Variants in ADAMTS14 observed in about 807,000 individuals in gnomAD.
ADAMTS14 encodes A disintegrin and metalloproteinase with thrombospondin motifs 14.
In ADAMTS14, 100 loss-of-function variants were observed where a neutral mutation model predicts 128.6. The observed-to-expected ratio is 0.78, with a 90% CI of 0.66 to 0.92. The LOEUF is 0.92. Ranked by LOEUF, ADAMTS14 falls within the 40% of genes least tolerant of loss-of-function variation. ADAMTS14 has a pLI of 0.00. For synonymous variants in ADAMTS14, 665 were observed against 653.8 expected, an observed-to-expected ratio of 1.02 and a Z score of -0.26; for missense variants, 1,562 against 1,658.6, an observed-to-expected ratio of 0.94 and a Z score of 1.01.
chr10:70,693,140 T>G (rs1840237940), intron 2 of ADAMTS14, among the ~76,000 whole-genome samples: 10 of 152,190 alleles, frequency 6.6e-5, no homozygotes, highest in Admixed American at 6.5e-4. Context: ...TTGTGTGAAC[T>G]GAGTGAGAAC....
In ADAMTS14 at chr10:70,708,825, G is replaced by GGCCCCAC; in HGVS notation, c.870+48_870+54dup. ...GACTTGGGGGGAGTGGGGTGGGGTG[G>GGCCCCAC]GCCCCACCCCACCCCACTGGGCCCC... is the stretch of plus-strand genomic sequence containing the variant. On this transcript the variant is annotated intron_variant, in intron 4 of 21. Transcript: ENST00000373207. The GGCCCCAC allele has an allele frequency of 5.9e-6, 5 of 846,738 alleles. 1 individual carries two copies. Among genetic ancestry groups the GGCCCCAC allele is most frequent in the Non-Finnish European group, 8.2e-6 (5 of 608,344 alleles). The allele number at this position is 846,738 out of a possible 1,614,324, so 52.5% of individuals were successfully genotyped here. A position where few individuals can be genotyped will look rare whatever the true frequency, so the allele number is the denominator to read the frequency against.
Position 70,744,208 on chromosome 10 carries a change from G to C in ADAMTS14, c.2182+19G>C. The C allele has an allele frequency of 6.6e-7, 1 of 1,504,544 alleles. No homozygotes were observed. Among genetic ancestry groups the C allele is most frequent in the Non-Finnish European group, 8.9e-7 (1 of 1,119,786 alleles). 93.2% of individuals were successfully genotyped at this position (1,504,544 alleles called of 1,614,324 possible). On this transcript the variant is annotated intron_variant, in intron 14 of 21. Transcript: ENST00000373207. ...CAGGCAGGTGAGCCGGGCTGGGGCT[G>C]GGGGGATGACGAGGGCTGACTGGAG...
chr10:70,716,787 GA>G (rs984030921), intron 4 of ADAMTS14, among the ~76,000 whole-genome samples: 2 of 152,170 alleles, frequency 1.3e-5, no homozygotes, highest in Non-Finnish European at 2.9e-5. Flanking sequence ...ACCCAGGGAG[GA>G]GGGGGCAGAA....
intron 3 of ADAMTS14, among the ~76,000 whole-genome samples, chr10:70,705,547 T>A (rs1218380540): frequency 6.6e-6 from 1 of 152,248 alleles, no homozygotes; most frequent in African/African-American, 2.4e-5. Context: ...AACCATCACC[T>A]CCATCTAATT....
chr10:70,693,032 G>A (rs72814540), intron 2 of ADAMTS14, among the ~76,000 whole-genome samples: 25,358 of 152,184 alleles, frequency 0.17, 2,690 homozygotes, highest in Middle Eastern at 0.25. Flanking sequence ...CAGGAAGTTT[G>A]CAATCATGGT....
intron 3 of ADAMTS14, among the ~76,000 whole-genome samples, chr10:70,702,799 C>A (rs546362025): frequency 1.3e-5 from 2 of 152,246 alleles, no homozygotes; most frequent in South Asian, 2.1e-4. Context: ...GTTCTTCCCC[C>A]CTAAAATTGA....
At chr10:70,745,606 T>C (rs1363861846) in intron 15 of ADAMTS14, 1 of 415,250 alleles carries the variant, frequency 2.4e-6, no homozygotes, top group African/African-American at 2.0e-5. Context: ...CTTGTGCACA[T>C]AGATGGCTGT....
intron 12 of ADAMTS14, among the ~76,000 whole-genome samples, chr10:70,742,030 C>T (rs1057160209): frequency 6.6e-6 from 1 of 152,226 alleles, no homozygotes; most frequent in Non-Finnish European, 1.5e-5. Flanking sequence ...GCCTGGGCTC[C>T]ACCCCAGAAC....
intron 4 of ADAMTS14, among the ~76,000 whole-genome samples, chr10:70,721,355 G>T (rs1454563747): frequency 6.7e-6 from 1 of 149,614 alleles, no homozygotes. Flanking sequence ...TTAGACTTAG[G>T]TCTTTATCAT....
intron 15 of ADAMTS14, among the ~76,000 whole-genome samples, chr10:70,747,794 G>A (rs946505189): frequency 1.3e-5 from 2 of 152,182 alleles, no homozygotes; most frequent in African/African-American, 4.8e-5. Context: ...GCTGAACTCT[G>A]AAGTTGGCAC....
Position 70,672,850 on chromosome 10 carries a change from T to C in ADAMTS14, c.48T>C (p.Cys16=), listed in dbSNP as rs1407728896. Residue 16 remains cysteine (C), a synonymous_variant, in exon 1 of 22, where the codon TGT becomes TGC. Coordinates refer to ENST00000373207, the MANE Select transcript of ADAMTS14 (RefSeq NM_080722.4). ...TGTCCTACCTGCTGCCTTTGCACTG[T>C]GCGCTCTGCGCCGCCGCGGGCAGCC... ...ALLSYLLPLH[C]ALCAAAGSRT... is the part of the protein sequence containing the mutation. 4.6e-6 allele frequency: 7 copies of C among 1,508,528 alleles called. No homozygotes were observed. Among genetic ancestry groups the C allele is most frequent in the East Asian group, 2.7e-5 (1 of 36,674 alleles). The allele number at this position is 1,508,528 out of a possible 1,614,324, so 93.4% of individuals were successfully genotyped here.
At chr10:70,707,965 C>T (rs1026962567) in intron 3 of ADAMTS14, among the ~76,000 whole-genome samples, 1 of 152,116 alleles carries the variant, frequency 6.6e-6, no homozygotes, top group Middle Eastern at 3.2e-3. Context: ...TTTATCTGGT[C>T]CTTTACAGAA....
intron 2 of ADAMTS14, among the ~76,000 whole-genome samples, chr10:70,685,071 C>T (rs1461731088): frequency 1.3e-5 from 2 of 152,250 alleles, no homozygotes; most frequent in African/African-American, 4.8e-5. Flanking sequence ...TTTTCTTCCT[C>T]TGTGTCTTCA....
Position 70,738,971 on chromosome 10 carries a change from C to G in ADAMTS14, c.1729C>G (p.Arg577Gly), listed in dbSNP as rs752110366. 1 of 1,577,024 alleles carries G rather than the reference C, an allele frequency of 6.3e-7. No homozygotes were observed. Among genetic ancestry groups the G allele is most frequent in the Non-Finnish European group, 8.6e-7 (1 of 1,158,744 alleles). Residue 577 changes from arginine (R) to glycine (G), a missense_variant, in exon 11 of 22, where the codon CGG becomes GGG. By Grantham distance (125) the Arg-to-Gly change is moderately radical. Coordinates refer to ENST00000373207, the MANE Select transcript of ADAMTS14 (RefSeq NM_080722.4). ...TGGGGGCGGGGTGCGATCCCGCAGC[C>G]GGAGCTGCAACAACCCCTCGTGAGT... The part of the protein sequence containing the change: ...SCGGGVRSRS[R>G]SCNNPSPAYG...
At chr10:70,751,400 C>G in intron 16 of ADAMTS14, 78 bp from the exon 17 acceptor site, 1 of 1,434,644 alleles carries the variant, frequency 7.0e-7, no homozygotes, top group Non-Finnish European at 9.6e-7. Flanking sequence ...AAGGCCTTCT[C>G]TTCGGCCCCT....
intron 2 of ADAMTS14, among the ~76,000 whole-genome samples, chr10:70,679,510 G>T (rs1839739467): frequency 6.6e-6 from 1 of 152,186 alleles, no homozygotes; most frequent in South Asian, 2.1e-4. Context: ...CAAGGTTGGG[G>T]TCGGCAGAGT....
rs898627310 is a variant in ADAMTS14 at position 70,689,288 on chromosome 10, G to A, written c.523-13024G>A. On this transcript the variant is annotated intron_variant, in intron 2 of 21. Transcript: ENST00000373207. Reference sequence around the variant, plus strand: ...GCCTGACCCGAAGGATGCTTGTTTAGCATGGTTTCATTCCAAAGTCAGTTG... The same window carrying A: ...GCCTGACCCGAAGGATGCTTGTTTAACATGGTTTCATTCCAAAGTCAGTTG... Among the ~76,000 whole-genome samples, 4 of 144,874 alleles carry A rather than the reference G, an allele frequency of 2.8e-5. 1 individual carries two copies. Among genetic ancestry groups the A allele is most frequent in the Non-Finnish European group, 6.3e-5 (4 of 63,330 alleles).
chr10:70,747,879 T>TGTGCATGCAC (rs371144834), intron 15 of ADAMTS14, among the ~76,000 whole-genome samples: 1 of 152,096 alleles, frequency 6.6e-6, no homozygotes, highest in African/African-American at 2.4e-5. Flanking sequence ...TGTGTGAGTG[T>TGTGCATGCAC]GTGCATGCAC....
intron 4 of ADAMTS14, among the ~76,000 whole-genome samples, chr10:70,719,979 A>T (rs1841201939): frequency 6.6e-6 from 1 of 152,176 alleles, no homozygotes; most frequent in African/African-American, 2.4e-5. Flanking sequence ...GCGTTTCACA[A>T]ATAGGTTGTG....
Sources: gnomAD v4.1 joint callset for allele counts (sites outside exome capture counted in the v4.1 genomes callset) on GRCh38, gnomAD v4.1.1 for gene constraint, MANE v1.5 for transcripts, NCBI Gene and HGNC (gene_info 2026-07-23, HGNC 2026-07-21) for gene names.